Variants in EGFLAM observed in about 807,000 individuals in gnomAD.
EGFLAM encodes EGF like, fibronectin type III and laminin G domains.
A neutral mutation model predicts 113.1 loss-of-function variants in EGFLAM; 79 were observed. The ratio of observed to expected loss-of-function variants is 0.70; its 90% CI spans 0.58 to 0.84. The LOEUF (loss-of-function observed/expected upper bound fraction) is 0.84, where lower values mean the gene tolerates loss of function less well. EGFLAM is among the 40% of genes least tolerant of loss of function. The pLI, the probability that EGFLAM is intolerant of heterozygous loss-of-function variation, is 0.00. For missense variants in EGFLAM, 1,265 were observed against 1,291.6 expected (o/e 0.98, Z 0.32); for synonymous variants, 504 against 487.6 (o/e 1.03, Z -0.44).
At chr5:38,388,025 A>G (rs1740710285) in intron 6 of EGFLAM, among the ~76,000 whole-genome samples, 1 of 152,222 alleles carries the variant, frequency 6.6e-6, no homozygotes, top group Non-Finnish European at 1.5e-5. Context: ...TTCTCTGCCC[A>G]CAATGAAGCC....
chr5:38,395,617 C>T (rs1266188658), intron 6 of EGFLAM, among the ~76,000 whole-genome samples: 1 of 152,084 alleles, frequency 6.6e-6, no homozygotes, highest in African/African-American at 2.4e-5. Context: ...AATGTGAAGC[C>T]ACTTTAAGGA....
intron 1 of EGFLAM, among the ~76,000 whole-genome samples, chr5:38,325,161 G>A (rs1261054317): frequency 6.6e-6 from 1 of 152,100 alleles, no homozygotes; most frequent in Non-Finnish European, 1.5e-5. Flanking sequence ...AGGGAATCTG[G>A]GCAGAGTCAC....
intron 5 of EGFLAM, among the ~76,000 whole-genome samples, chr5:38,354,555 C>A (rs139062181): frequency 1.3e-5 from 2 of 152,148 alleles, no homozygotes; most frequent in Non-Finnish European, 2.9e-5. Flanking sequence ...ATGGTGAAAC[C>A]CCATCTCTAC....
At chr5:38,278,165 A>G (rs1434859011) in intron 1 of EGFLAM, among the ~76,000 whole-genome samples, 3 of 152,200 alleles carry the variant, frequency 2.0e-5, no homozygotes, top group Non-Finnish European at 4.4e-5. Flanking sequence ...AGTAATGAAA[A>G]CAGCATGGTA....
intron 18 of EGFLAM, among the ~76,000 whole-genome samples, chr5:38,449,821 G>A (rs1193440710): frequency 6.6e-6 from 1 of 152,046 alleles, no homozygotes; most frequent in African/African-American, 2.4e-5. Context: ...TACCCATGAG[G>A]GATATTTACT....
At chr5:38,411,638 G>A (rs183266700) in intron 10 of EGFLAM, among the ~76,000 whole-genome samples, 215 of 150,076 alleles carry the variant, frequency 1.4e-3, no homozygotes, top group African/African-American at 5.0e-3. Context: ...ATCTGCCATC[G>A]TGCTCAGTTA....
intron 5 of EGFLAM, among the ~76,000 whole-genome samples, chr5:38,360,041 G>A (rs1305358137): frequency 6.6e-6 from 1 of 152,172 alleles, no homozygotes; most frequent in Non-Finnish European, 1.5e-5. Context: ...TTTGTCAAAA[G>A]TCATCTCTCC....
chr5:38,329,992 A>C (rs1009217668), intron 1 of EGFLAM, among the ~76,000 whole-genome samples: 2 of 152,192 alleles, frequency 1.3e-5, no homozygotes, highest in African/African-American at 4.8e-5. Context: ...AGGTCCCAGC[A>C]GGGTCCGATT....
chr5:38,394,701 G>A (rs1052945418), intron 6 of EGFLAM, among the ~76,000 whole-genome samples: 2 of 137,082 alleles, frequency 1.5e-5, no homozygotes, highest in Admixed American at 7.9e-5. Context: ...GAGCCACCGC[G>A]CCGGGCCCAC....
At chr5:38,393,265 G>T (rs551848767) in intron 6 of EGFLAM, among the ~76,000 whole-genome samples, 2 of 152,264 alleles carry the variant, frequency 1.3e-5, no homozygotes, top group Admixed American at 1.3e-4. Context: ...TTTCTTCAGA[G>T]TCTTTTAGTG....
chr5:38,385,291 G>GAT (rs1740631803), intron 6 of EGFLAM, among the ~76,000 whole-genome samples: 1 of 41,996 alleles, frequency 2.4e-5, no homozygotes, highest in African/African-American at 6.3e-5. Context: ...CCCCCCCCCC[G>GAT]CCCCCGCCAC....
intron 20 of EGFLAM, among the ~76,000 whole-genome samples, chr5:38,460,395 G>A (rs1365460941): frequency 6.6e-6 from 1 of 152,134 alleles, no homozygotes; most frequent in East Asian, 1.9e-4. Context: ...AACTGTTTGT[G>A]GGAAAAGCCA....
chr5:38,361,234 T>C (rs1334788641), intron 5 of EGFLAM, among the ~76,000 whole-genome samples: 4 of 152,104 alleles, frequency 2.6e-5, no homozygotes, highest in African/African-American at 9.7e-5. Flanking sequence ...AGCTTACTCT[T>C]GTTCATCCTT....
intron 19 of EGFLAM, among the ~76,000 whole-genome samples, chr5:38,457,320 G>T (rs1743121506): frequency 6.6e-6 from 1 of 152,170 alleles, no homozygotes; most frequent in Admixed American, 6.5e-5. Flanking sequence ...ATAGAAGTGG[G>T]CTCTCTCACA....
At position 38,419,296 on chromosome 5, in the gene EGFLAM, G is replaced by A. The variant is rs142365157; in HGVS notation, c.1684+1041G>A. 1.3e-4 allele frequency among the ~76,000 whole-genome samples: 20 copies of A among 152,264 alleles called. No homozygotes were observed. The East Asian group carries it at 3.7e-3, about 28-fold the overall frequency. ...GAAAAGCTGTTCAGTTCATAACAGGGTCTCTATGATATCAGGACTCTGGGT... is the reference window on the plus strand; with the variant it reads ...GAAAAGCTGTTCAGTTCATAACAGGATCTCTATGATATCAGGACTCTGGGT... On this transcript the variant is annotated intron_variant, in intron 12 of 21. Transcript: ENST00000322350.
intron 18 of EGFLAM, among the ~76,000 whole-genome samples, chr5:38,450,812 A>G (rs115473972): frequency 1.1e-3 from 146 of 131,196 alleles, no homozygotes; most frequent in African/African-American, 6.1e-3. Flanking sequence ...ATTCACTATC[A>G]GGCCTTGTTC....
intron 1 of EGFLAM, among the ~76,000 whole-genome samples, chr5:38,298,592 A>G (rs556541209): frequency 6.6e-6 from 1 of 152,358 alleles, no homozygotes; most frequent in East Asian, 1.9e-4. Flanking sequence ...TAAACCTCCC[A>G]CTAAATCACC....
chr5:38,442,947 C>T (rs978047672), intron 17 of EGFLAM, among the ~76,000 whole-genome samples: 5 of 152,224 alleles, frequency 3.3e-5, no homozygotes, highest in Non-Finnish European at 5.9e-5. Flanking sequence ...GCCCTGATAT[C>T]GCATAACAAT....
chr5:38,408,782 C>A (rs184107072), intron 9 of EGFLAM, among the ~76,000 whole-genome samples: 3 of 152,188 alleles, frequency 2.0e-5, no homozygotes, highest in African/African-American at 4.8e-5. Context: ...ACCTTGCTCT[C>A]GCCTCACTGC....
Sources: gnomAD v4.1 joint callset for allele counts (sites outside exome capture counted in the v4.1 genomes callset) on GRCh38, gnomAD v4.1.1 for gene constraint, MANE v1.5 for transcripts, NCBI Gene and HGNC (gene_info 2026-07-23, HGNC 2026-07-21) for gene names.